The following PAPOLA variants were observed in gnomAD, a reference collection of about 807,000 sequenced individuals.
PAPOLA encodes the protein poly(A) polymerase alpha.
PAPOLA carries 15 observed loss-of-function variants against 100.6 expected under a neutral mutation model. That is an observed-to-expected ratio of 0.15 (90% CI 0.10 to 0.23). The LOEUF is 0.23. Ranked by LOEUF, PAPOLA falls within the 10% of genes least tolerant of loss-of-function variation. The probability of loss-of-function intolerance (pLI) is 1.00; values close to 1 mark genes in which losing one functional copy is unlikely to be tolerated. For synonymous variants in PAPOLA, 293 were observed against 300.0 expected (o/e 0.98, Z 0.24); for missense variants, 533 against 884.2 (o/e 0.60, Z 5.04).
rs1246194221 is a variant in PAPOLA, at chr14:96,521,057, A to G, written c.234A>G (p.Glu78=). 6.4e-7 allele frequency: 1 copy of G among 1,558,574 alleles called. No individual in the cohort carries two copies. Among genetic ancestry groups the G allele is most frequent in the South Asian group, 1.1e-5 (1 of 89,212 alleles). ...LNNLVKEWIR[E]ISESKNLPQS... Reference sequence around the variant, plus strand: ...ACCTGGTAAAAGAGTGGATACGAGAAATCAGTGAAAGCAAGGTAAGGCAAC... The same window carrying G: ...ACCTGGTAAAAGAGTGGATACGAGAGATCAGTGAAAGCAAGGTAAGGCAAC... The change falls in exon 3 of 22, where the codon GAA becomes GAG. Residue 78 remains glutamate (E), a synonymous_variant. Transcript: ENST00000216277.
intron 9 of PAPOLA, chr14:96,533,798 C>CCG (rs1899280858): frequency 1.5e-6 from 1 of 657,800 alleles, no homozygotes. Context: ...CATAATCCGC[C>CCG]CGCCTCGGCC....
At chr14:96,548,832 C>CA in intron 16 of PAPOLA, among the ~76,000 whole-genome samples, 1 of 152,180 alleles carries the variant, frequency 6.6e-6, no homozygotes, top group East Asian at 1.9e-4. Flanking sequence ...AATTAATACA[C>CA]AAAAGACTTT....
intron 15 of PAPOLA, among the ~76,000 whole-genome samples, chr14:96,544,982 A>C (rs1404281092): frequency 6.6e-6 from 1 of 152,084 alleles, no homozygotes; most frequent in East Asian, 1.9e-4. Flanking sequence ...GAATGAGTCT[A>C]TATGTAGCTG....
chr14:96,543,704 T>TA (rs1900174618), intron 14 of PAPOLA, among the ~76,000 whole-genome samples: 1 of 152,110 alleles, frequency 6.6e-6, no homozygotes, highest in Non-Finnish European at 1.5e-5. Context: ...TTACTCCTGT[T>TA]ATGCTTCTGT....
chr14:96,502,842 C>A (rs962946595), intron 1 of PAPOLA: 4 of 425,768 alleles, frequency 9.4e-6, no homozygotes, highest in Non-Finnish European at 1.2e-5. Context: ...GGGCCGGGGG[C>A]CTTCCCCTTC....
intron 1 of PAPOLA, among the ~76,000 whole-genome samples, chr14:96,505,946 C>A (rs1367284374): frequency 6.6e-6 from 1 of 152,114 alleles, no homozygotes; most frequent in Non-Finnish European, 1.5e-5. Flanking sequence ...GCTCTGTCGC[C>A]GGGCTGGAAT....
chr14:96,541,131 G>A (rs953229653), intron 12 of PAPOLA, among the ~76,000 whole-genome samples: 4 of 152,064 alleles, frequency 2.6e-5, no homozygotes, highest in African/African-American at 4.8e-5. Flanking sequence ...CTTGTGATCC[G>A]CCCGCCTCGG....
At chr14:96,536,156 C>A (rs1449763796) in intron 11 of PAPOLA, among the ~76,000 whole-genome samples, 157 bp downstream of exon 11, 2 of 152,086 alleles carry the variant, frequency 1.3e-5, no homozygotes, top group Admixed American at 6.6e-5. Context: ...GAACTGACTT[C>A]AAAAAATTAA....
chr14:96,509,780 A>G (rs929340852), intron 1 of PAPOLA, among the ~76,000 whole-genome samples: 27 of 152,342 alleles, frequency 1.8e-4, no homozygotes, highest in Middle Eastern at 6.8e-3. Context: ...TAGTAAAAAT[A>G]CGGTATTATG....
Position 96,502,396 on chromosome 14 carries a change from G to T in PAPOLA, c.-197G>T, listed in dbSNP as rs1263608586. On this transcript the variant is annotated 5_prime_UTR_variant, in exon 1 of 22. Transcript: ENST00000216277. Reference sequence around the variant, plus strand: ...TCAGCAGTTCTAGAACGTTGCTGTGGTAGCGCTCGGGCGCCATGTTAGGAC... The same window carrying T: ...TCAGCAGTTCTAGAACGTTGCTGTGTTAGCGCTCGGGCGCCATGTTAGGAC... 4.3e-6 allele frequency: 3 copies of T among 697,486 alleles called. No individual in the cohort carries two copies. The South Asian group carries it at 4.5e-5, about 10-fold the overall frequency. The allele number at this position is 697,486 out of a possible 1,614,324, so 43.2% of individuals were successfully genotyped here.
chr14:96,509,985 T>TTA (rs1491489544), intron 1 of PAPOLA, among the ~76,000 whole-genome samples: 2 of 148,936 alleles, frequency 1.3e-5, no homozygotes, highest in African/African-American at 2.5e-5. Context: ...TTTTTTTTTT[T>TTA]AATCTTTGGA....
At chr14:96,503,408 C>T (rs1896473030) in intron 1 of PAPOLA, among the ~76,000 whole-genome samples, 1 of 151,598 alleles carries the variant, frequency 6.6e-6, no homozygotes, top group South Asian at 2.1e-4. Flanking sequence ...TTTCTAATGC[C>T]ACTGCGCCTT....
intron 1 of PAPOLA, among the ~76,000 whole-genome samples, chr14:96,514,128 A>G (rs1367845552): frequency 6.6e-6 from 1 of 151,600 alleles, no homozygotes; most frequent in Non-Finnish European, 1.5e-5. Flanking sequence ...ATGTATGACC[A>G]TTAAACTCCA....
At chr14:96,516,130 T>C (rs1897441812) in intron 1 of PAPOLA, among the ~76,000 whole-genome samples, 3 of 152,208 alleles carry the variant, frequency 2.0e-5, no homozygotes, top group Admixed American at 1.3e-4. Flanking sequence ...AATCTTCACT[T>C]CCATTTAAAG....
At chr14:96,545,079 C>T (rs1900279806) in intron 15 of PAPOLA, among the ~76,000 whole-genome samples, 1 of 152,082 alleles carries the variant, frequency 6.6e-6, no homozygotes, top group Admixed American at 6.6e-5. Context: ...CTCGCAGATA[C>T]TGTCCTTCTC....
Position 96,564,552 on chromosome 14 carries a change from A to C in PAPOLA, c.2143-403A>C, listed in dbSNP as rs183216743. 3.1e-3 allele frequency among the ~76,000 whole-genome samples: 471 copies of C among 152,238 alleles called. 6 individuals carry two copies. Among genetic ancestry groups the C allele is most frequent in the Non-Finnish European group, 3.1e-3 (214 of 67,944 alleles). ...AAATTTACTGCTGCTTCTGTATATA[A>C]AATGAGCTTTGAGTATTCTCCCACT... On this transcript the variant is annotated intron_variant, in intron 21 of 21. Transcript: ENST00000216277.
At chr14:96,513,355 C>T (rs1457191088) in intron 1 of PAPOLA, among the ~76,000 whole-genome samples, 4 of 152,112 alleles carry the variant, frequency 2.6e-5, no homozygotes, top group East Asian at 1.9e-4. Context: ...AGGTCTGAGC[C>T]GCTGCACCAG....
chr14:96,563,737 A>G (rs191302980), intron 21 of PAPOLA, among the ~76,000 whole-genome samples: 54 of 152,276 alleles, frequency 3.5e-4, no homozygotes, highest in African/African-American at 1.1e-3. Context: ...TATAAATATT[A>G]TGTTTAGTTT....
chr14:96,561,828 GTTT>G (rs529927594), intron 20 of PAPOLA, among the ~76,000 whole-genome samples: 1 of 125,818 alleles, frequency 7.9e-6, no homozygotes. Flanking sequence ...ACAATATTTC[GTTT>G]TTTTTTTTTT....
Sources: gnomAD v4.1 joint callset for allele counts (sites outside exome capture counted in the v4.1 genomes callset) on GRCh38, gnomAD v4.1.1 for gene constraint, MANE v1.5 for transcripts, NCBI Gene and HGNC (gene_info 2026-07-23, HGNC 2026-07-21) for gene names.